Variants in APC observed in about 807,000 individuals in gnomAD.
APC encodes APC regulator of Wnt signaling pathway, also known as adenomatous polyposis coli protein.
A neutral mutation model predicts 247.0 loss-of-function variants in APC; 72 were observed. The ratio of observed to expected loss-of-function variants is 0.29; its 90% CI spans 0.24 to 0.35. The LOEUF is 0.35. Among genes scored for constraint, APC ranks in the 10% least tolerant of loss-of-function variants. The pLI, the probability that APC is intolerant of heterozygous loss-of-function variation, is 1.00. For missense variants in APC, 3,400 were observed against 3,360.7 expected, an observed-to-expected ratio of 1.01 and a Z score of -0.29; for synonymous variants, 1,254 against 1,162.5, an observed-to-expected ratio of 1.08 and a Z score of -1.60.
intron 1 of APC, among the ~76,000 whole-genome samples, chr5:112,722,766 G>A (rs530019826): frequency 6.6e-6 from 1 of 152,282 alleles, no homozygotes; most frequent in East Asian, 1.9e-4. Context: ...ATAGGGGCAG[G>A]GGCGCGGAGC....
intron 1 of APC, among the ~76,000 whole-genome samples, chr5:112,740,491 C>G (rs75791687): frequency 1.4e-5 from 2 of 142,944 alleles, no homozygotes; most frequent in Non-Finnish European, 3.1e-5. Flanking sequence ...TGAATTTAAG[C>G]TATTGAAGTT....
At chr5:112,802,995 A>G (rs1488172046) in intron 8 of APC, among the ~76,000 whole-genome samples, 1 of 152,152 alleles carries the variant, frequency 6.6e-6, no homozygotes, top group Non-Finnish European at 1.5e-5. Context: ...TGAACAGGAA[A>G]TAAAAGAAGA....
chr5:112,774,635 ATT>A (rs1332363108), intron 4 of APC, among the ~76,000 whole-genome samples: 1 of 151,282 alleles, frequency 6.6e-6, no homozygotes, highest in Non-Finnish European at 1.5e-5. Context: ...TAGTTTTTGT[ATT>A]TTTTTGTAGA....
intron 11 of APC, chr5:112,823,172 A>G (rs1170709886): frequency 6.5e-6 from 1 of 152,684 alleles, no homozygotes. Context: ...GAAAACATTC[A>G]GTTTTAAGAT....
At chr5:112,831,540 CT>C (rs1256640456) in intron 14 of APC, among the ~76,000 whole-genome samples, 1 of 152,136 alleles carries the variant, frequency 6.6e-6, no homozygotes, top group Non-Finnish European at 1.5e-5. Flanking sequence ...GAACATTCTT[CT>C]TCTCTTTTTC....
intron 4 of APC, among the ~76,000 whole-genome samples, chr5:112,767,878 A>G (rs1404589589): frequency 6.6e-6 from 1 of 151,818 alleles, no homozygotes; most frequent in African/African-American, 2.4e-5. Context: ...TACTCTGTAC[A>G]TTGAGTAATA....
At position 112,718,748 on chromosome 5, in the gene APC, C is replaced by T. The variant is rs557630495; in HGVS notation, c.165+10866C>T. Among the ~76,000 whole-genome samples, 8 of 152,210 alleles carry T rather than the reference C, an allele frequency of 5.3e-5. No individual in the cohort carries two copies. In the East Asian group the frequency reaches 1.2e-3, roughly 22 times the overall value. ...TATCTTATCTAGCTTTTTAAATTGT[C>T]TTTGTAAGGATACTTGGTCTGAATA... On this transcript the variant is annotated intron_variant, in intron 1 of 13. Transcript: ENST00000507379.
chr5:112,712,568 T>G (rs934059188), intron 1 of APC, among the ~76,000 whole-genome samples: 1 of 151,764 alleles, frequency 6.6e-6, no homozygotes, highest in Non-Finnish European at 1.5e-5. Flanking sequence ...CCTTTTTTTT[T>G]TTTTTTTAAG....
chr5:112,790,570 C>T (rs1759463544), intron 6 of APC, among the ~76,000 whole-genome samples: 1 of 152,122 alleles, frequency 6.6e-6, no homozygotes, highest in African/African-American at 2.4e-5. Flanking sequence ...ACCTAGTGAT[C>T]CATCTGCCTC....
chr5:112,798,181 G>A (rs1187949004), intron 7 of APC, among the ~76,000 whole-genome samples: 1 of 152,198 alleles, frequency 6.6e-6, no homozygotes, highest in Non-Finnish European at 1.5e-5. Context: ...CAGTGCAAAT[G>A]TGTATCAACT....
At chr5:112,714,300 G>C (rs1237603375) in intron 1 of APC, among the ~76,000 whole-genome samples, 1 of 152,184 alleles carries the variant, frequency 6.6e-6, no homozygotes, top group African/African-American at 2.4e-5. Context: ...CCACAAAACA[G>C]AATTGTCCTT....
chr5:112,747,705 GT>G (rs1424377960), intron 1 of APC, among the ~76,000 whole-genome samples: 1 of 152,160 alleles, frequency 6.6e-6, no homozygotes, highest in African/African-American at 2.4e-5. Flanking sequence ...ATTGTAACAA[GT>G]TTCTGGAAGA....
At position 112,842,620 on chromosome 5, in the gene APC, A is replaced by G. The variant is rs766086022; in HGVS notation, c.7026A>G (p.Leu2342=). Residue 2342 remains leucine, a synonymous_variant, in exon 16 of 16, where the codon TTA becomes TTG. Transcript: ENST00000257430. ...ATGGAATAAGTCCTCCTAACAAATTATCTCAACTTCCAAGGACATCATCCC... is the reference window on the plus strand; with the variant it reads ...ATGGAATAAGTCCTCCTAACAAATTGTCTCAACTTCCAAGGACATCATCCC... ...GRNGISPPNK[L]SQLPRTSSPS... is the part of the protein sequence containing the mutation. 2 of 1,613,970 alleles carry G rather than the reference A, an allele frequency of 1.2e-6. No homozygotes were observed. Among genetic ancestry groups the G allele is most frequent in the Admixed American group, 1.7e-5 (1 of 60,028 alleles).
upstream of APC, among the ~76,000 whole-genome samples, chr5:112,736,235 G>A (rs1300846325): frequency 6.6e-6 from 1 of 152,144 alleles, no homozygotes; most frequent in African/African-American, 2.4e-5. Context: ...TAATCAAATT[G>A]ATTTACATGC....
chr5:112,741,160 C>T (rs1034467780), intron 1 of APC, among the ~76,000 whole-genome samples: 3 of 152,092 alleles, frequency 2.0e-5, no homozygotes, highest in East Asian at 3.9e-4. Context: ...AAATAAGACA[C>T]GTAAACTAAT....
Position 112,838,460 on chromosome 5 carries a change from T to C in APC, c.2866T>C (p.Tyr956His), listed in dbSNP as rs765131179. The change falls in exon 16 of 16, where the codon TAC becomes CAC. Residue 956 changes from tyrosine (Y) to histidine (H), a missense_variant. Coordinates refer to ENST00000257430, the MANE Select transcript of APC (RefSeq NM_000038.6). ...TCSMPYAKLE[Y>H]KRSSNDSLNS... Reference sequence around the variant, plus strand: ...TTCTATGCCTTATGCCAAATTAGAATACAAGAGATCTTCAAATGATAGTTT... The same window carrying C: ...TTCTATGCCTTATGCCAAATTAGAACACAAGAGATCTTCAAATGATAGTTT... 9.3e-6 allele frequency: 15 copies of C among 1,614,198 alleles called. No homozygotes were observed. The highest frequency in any genetic ancestry group is 1.2e-5 in the Non-Finnish European group (14 of 1,180,038).
In APC at chr5:112,841,257, A is replaced by C; in HGVS notation, c.5663A>C (p.Lys1888Thr). 6.2e-7 allele frequency: 1 copy of C among 1,613,752 alleles called. No homozygotes were observed. Among genetic ancestry groups the C allele is most frequent in the South Asian group, 1.1e-5 (1 of 91,068 alleles). ...GAATTAAGAAAGGCAAAAGAAAATA[A>C]GGAATCAGAGGCTAAAGTTACCAGC... ...KAELRKAKENKESEAKVTSHT... is the reference protein window; with the variant it reads ...KAELRKAKENTESEAKVTSHT... The change falls in exon 16 of 16, where the codon AAG (lysine) becomes ACG (threonine). Residue 1888 changes from lysine to threonine, a missense_variant. Lys to Thr is a moderately conservative substitution (Grantham distance 78, BLOSUM62 -1). Transcript: ENST00000257430. This position sits in a 1 kb window ranked among gnomAD's most constrained non-coding sequence, Gnocchi z 4.6.
chr5:112,724,352 G>A (rs1751651805), intron 1 of APC, among the ~76,000 whole-genome samples: 1 of 152,122 alleles, frequency 6.6e-6, no homozygotes, highest in Non-Finnish European at 1.5e-5. Flanking sequence ...AAAGCACCTG[G>A]CTGCTTAGGA....
chr5:112,718,164 T>C (rs1751287549), intron 1 of APC, among the ~76,000 whole-genome samples: 1 of 152,042 alleles, frequency 6.6e-6, no homozygotes, highest in Non-Finnish European at 1.5e-5. Flanking sequence ...CTTTATCCCC[T>C]TGAATGTAGT....
Sources: allele counts gnomAD v4.1 joint callset (sites outside exome capture counted in the v4.1 genomes callset), GRCh38; gene constraint gnomAD v4.1.1; non-coding constraint Gnocchi (gnomAD v3.1); transcripts MANE v1.5; gene names NCBI Gene and HGNC (gene_info 2026-07-23, HGNC 2026-07-21).